Variants in ARPC4 observed in about 807,000 individuals in gnomAD.
ARPC4 encodes the protein actin-related protein 2/3 complex subunit 4.
Under a neutral mutation model 22.8 loss-of-function variants are expected in ARPC4, and 3 were observed. The ratio of observed to expected loss-of-function variants is 0.13; its 90% CI spans 0.06 to 0.34. The LOEUF is 0.34. Among genes scored for constraint, ARPC4 ranks in the 10% least tolerant of loss-of-function variants. ARPC4 has a pLI of 1.00. For missense variants in ARPC4, 98 were observed against 211.0 expected, an observed-to-expected ratio of 0.46 and a Z score of 3.32; for synonymous variants, 80 against 72.5, an observed-to-expected ratio of 1.10 and a Z score of -0.52.
chr3:9,794,861 C>A (rs1387400063), intron 1 of ARPC4, among the ~76,000 whole-genome samples: 1 of 152,080 alleles, frequency 6.6e-6, no homozygotes, highest in East Asian at 1.9e-4. Context: ...AAATGGAATT[C>A]TTTAGTATGC....
At chr3:9,792,763 C>T (rs144180171), upstream of ARPC4, 7 of 1,245,582 alleles carry the variant, frequency 5.6e-6, no homozygotes, top group African/African-American at 4.6e-5. Context: ...AAGGGCTCGT[C>T]CGCTTCGGCT....
Position 9,800,819 on chromosome 3 carries a change from T to C in ARPC4, c.234+523T>C, listed in dbSNP as rs546623453. On this transcript the variant is annotated intron_variant, in intron 3 of 5. Coordinates refer to ENST00000397261, the MANE Select transcript of ARPC4 (RefSeq NM_005718.5). ...TGTTTTCTACAGAAACTTATAAACCTGGGGCCTGCTTTCCTTGCTAAAATG... is the reference window on the plus strand; with the variant it reads ...TGTTTTCTACAGAAACTTATAAACCCGGGGCCTGCTTTCCTTGCTAAAATG... 2.0e-5 allele frequency among the ~76,000 whole-genome samples: 3 copies of C among 152,276 alleles called. No individual in the cohort carries two copies. The South Asian group carries it at 6.2e-4, about 32-fold the overall frequency.
chr3:9,798,001 A>C, intron 2 of ARPC4: 1 of 532,138 alleles, frequency 1.9e-6, no homozygotes, highest in Non-Finnish European at 3.4e-6. Flanking sequence ...GGTTAACACA[A>C]GGTATGACTT....
chr3:9,801,750 T>C lies in ARPC4; in HGVS notation c.324T>C (p.Pro108=). The part of the protein sequence containing the change: ...AENFFILRRK[P]VEGYDISFLI... ...ACTTCTTTATCCTTCGAAGGAAGCC[T>C]GTGGAGGTGAGACCCTGTGACCCAT... The change falls in exon 4 of 6, where the codon CCT becomes CCC. Residue 108 remains proline (P), a synonymous_variant. Transcript: ENST00000397261. 1.9e-6 allele frequency: 3 copies of C among 1,599,380 alleles called. No individual in the cohort carries two copies. Among genetic ancestry groups the C allele is most frequent in the African/African-American group, 1.3e-5 (1 of 74,830 alleles).
At chr3:9,798,480 G>A (rs1559727283) in intron 2 of ARPC4, among the ~76,000 whole-genome samples, 1 of 152,134 alleles carries the variant, frequency 6.6e-6, no homozygotes, top group Non-Finnish European at 1.5e-5. Context: ...CCACTTCTCT[G>A]GAGGCTGAGG....
At chr3:9,794,292 GA>G (rs1474463215) in intron 1 of ARPC4, among the ~76,000 whole-genome samples, 1 of 152,114 alleles carries the variant, frequency 6.6e-6, no homozygotes, top group East Asian at 1.9e-4. Flanking sequence ...GACGTCAGGA[GA>G]TCGAGACCAT....
intron 2 of ARPC4, among the ~76,000 whole-genome samples, chr3:9,799,322 A>G (rs2078960966): frequency 6.6e-6 from 1 of 152,210 alleles, no homozygotes; most frequent in African/African-American, 2.4e-5. Context: ...CTTGGGACCA[A>G]AAGTATTTCA....
In ARPC4 at chr3:9,793,118, C is replaced by T. The variant is rs1289261043; in HGVS notation, c.-4C>T. 6 of 1,544,010 alleles carry T rather than the reference C, an allele frequency of 3.9e-6. No individual in the cohort carries two copies. The highest frequency in any genetic ancestry group is 2.5e-5 in the East Asian group (1 of 40,732). On this transcript the variant is annotated 5_prime_UTR_variant, in exon 1 of 6. Transcript: ENST00000397261. ...TCCGCTTTCCGGCCCAGCCAGCGCCCGCGATGGTGAGAGAGCCGGGCCCCC... is the reference window on the plus strand; with the variant it reads ...TCCGCTTTCCGGCCCAGCCAGCGCCTGCGATGGTGAGAGAGCCGGGCCCCC...
At chr3:9,801,212 G>GAAAAAAAAAAAAAAAA (rs745696982) in intron 3 of ARPC4, among the ~76,000 whole-genome samples, 2 of 66,426 alleles carry the variant, frequency 3.0e-5, no homozygotes, top group African/African-American at 5.5e-5. Flanking sequence ...TTCCATCTCA[G>GAAAAAAAAAAAAAAAA]AAAAAAAAAA....
chr3:9,803,108 C>T (rs890490048), intron 4 of ARPC4, among the ~76,000 whole-genome samples: 1 of 152,148 alleles, frequency 6.6e-6, no homozygotes, highest in African/African-American at 2.4e-5. Flanking sequence ...TGGTCTTGAT[C>T]TCCTGACCTT....
At chr3:9,793,438 G>A (rs923010424) in intron 1 of ARPC4, among the ~76,000 whole-genome samples, 9 of 152,308 alleles carry the variant, frequency 5.9e-5, no homozygotes, top group African/African-American at 1.7e-4. Context: ...TCGAGGGTAC[G>A]TAGTCGGCCT....
chr3:9,794,984 C>T (rs2125636210), intron 1 of ARPC4, among the ~76,000 whole-genome samples: 1 of 152,082 alleles, frequency 6.6e-6, no homozygotes, highest in South Asian at 2.1e-4. Flanking sequence ...ATGGCTGGAC[C>T]ACAGTTCGTT....
chr3:9,797,818 A>T, intron 2 of ARPC4, 41 bp downstream of exon 2: 1 of 1,587,952 alleles, frequency 6.3e-7, no homozygotes, highest in Non-Finnish European at 8.6e-7. Context: ...GGGGTGCAGC[A>T]CACAGAGATG....
chr3:9,797,780 A>G lies in ARPC4; in HGVS notation c.122+3A>G. On this transcript the variant is annotated splice_donor_region_variant and intron_variant, in intron 2 of 5. Transcript: ENST00000397261. ...AACAAGCCGGAAGTGGAAGTCAGGTAGGGAAGGACAAGTCAAGGTGGGGAT... is the reference window on the plus strand; with the variant it reads ...AACAAGCCGGAAGTGGAAGTCAGGTGGGGAAGGACAAGTCAAGGTGGGGAT... 6.2e-7 allele frequency: 1 copy of G among 1,613,454 alleles called. No homozygotes were observed. Among genetic ancestry groups the G allele is most frequent in the Non-Finnish European group, 8.5e-7 (1 of 1,179,846 alleles).
upstream of ARPC4, chr3:9,793,050 C>G: frequency 6.5e-7 from 1 of 1,544,174 alleles, no homozygotes; most frequent in South Asian, 1.2e-5. Context: ...AGCTGCGCTT[C>G]TCGCGAAAGG....
In ARPC4 at chr3:9,800,233, G is replaced by A. The variant is rs2078980041; in HGVS notation, c.171G>A (p.Glu57=). 2 of 1,614,174 alleles carry A rather than the reference G, an allele frequency of 1.2e-6. No individual in the cohort carries two copies. The stretch of plus-strand genomic sequence containing the variant: ...AACCTGTGACCATCAGCAGGAATGA[G>A]AAGGAAAAGGTTCTGATTGAGGGCT... The part of the protein sequence containing the change: ...LLQPVTISRN[E]KEKVLIEGSI... The change falls in exon 3 of 6, where the codon GAG becomes GAA. Residue 57 remains glutamate (E), a synonymous_variant. Transcript: ENST00000397261.
chr3:9,797,216 T>C (rs971789950), intron 1 of ARPC4, among the ~76,000 whole-genome samples: 2 of 152,200 alleles, frequency 1.3e-5, no homozygotes, highest in African/African-American at 2.4e-5. Context: ...TTGACGACAA[T>C]CATGCATTCA....
chr3:9,798,333 G>T (rs533191448), intron 2 of ARPC4, among the ~76,000 whole-genome samples: 1 of 151,788 alleles, frequency 6.6e-6, no homozygotes, highest in Non-Finnish European at 1.5e-5. Flanking sequence ...CCTGTAATCC[G>T]AGCACTTTAG....
chr3:9,792,895 C>T (rs2078777261), upstream of ARPC4: 3 of 1,397,702 alleles, frequency 2.1e-6, no homozygotes, highest in Non-Finnish European at 1.9e-6. Context: ...CCTGGAGGAG[C>T]TTAAATAGTG....
Sources: gnomAD v4.1 joint callset for allele counts (sites outside exome capture counted in the v4.1 genomes callset) on GRCh38, gnomAD v4.1.1 for gene constraint, MANE v1.5 for transcripts, NCBI Gene and HGNC (gene_info 2026-07-23, HGNC 2026-07-21) for gene names.